GALC: variants seen among roughly 807,000 people sequenced by gnomAD.
GALC encodes galactocerebrosidase.
A neutral mutation model predicts 91.8 loss-of-function variants in GALC; 77 were observed. The observed-to-expected ratio is 0.84, with a 90% CI of 0.70 to 1.01. GALC has a LOEUF of 1.01. Among genes scored for constraint, GALC ranks in the 50% least tolerant of loss-of-function variants. GALC has a pLI of 0.00. For synonymous variants in GALC, 357 were observed against 306.7 expected, an observed-to-expected ratio of 1.16 and a Z score of -1.71; for missense variants, 882 against 855.9, an observed-to-expected ratio of 1.03 and a Z score of -0.38.
In GALC at chr14:87,950,739, G is replaced by A. The variant is rs1885269785; in HGVS notation, c.1171C>T (p.His391Tyr). 7.9e-6 allele frequency: 12 copies of A among 1,522,132 alleles called. No homozygotes were observed. The highest frequency in any genetic ancestry group is 1.1e-5 in the Non-Finnish European group (12 of 1,135,576). The allele number at this position is 1,522,132 out of a possible 1,614,324, so 94.3% of individuals were successfully genotyped here. ...AGAAATGGCCGTATGCACTTAGAAT[G>A]TTTATGACTCTGAAAAAAAAAAATC... ...TIIIETMSHK[H>Y]SKCIRPFLPY... The change falls in exon 11 of 17, where the codon CAT becomes TAT. Residue 391 changes from histidine to tyrosine, a missense_variant. His to Tyr is a moderately conservative substitution (Grantham distance 83). Coordinates refer to ENST00000261304, the MANE Select transcript of GALC (RefSeq NM_000153.4).
rs948549434 is a variant in GALC, at chr14:87,965,398, A to G, written c.1033+107T>C. 5 of 1,240,322 alleles carry G rather than the reference A, an allele frequency of 4.0e-6. No homozygotes were observed. In the African/African-American group the frequency reaches 7.4e-5, roughly 18 times the overall value. 76.8% of individuals were successfully genotyped at this position (1,240,322 alleles called of 1,614,324 possible). On this transcript the variant is annotated intron_variant, in intron 9 of 16. Transcript: ENST00000261304. ...AATCTTGCTTAAAACTTAAATCTAT[A>G]CTTAAAACACGCATAGACACACAGT...
At chr14:87,953,101 T>C (rs1885380422) in intron 10 of GALC, 1 of 1,500,120 alleles carries the variant, frequency 6.7e-7, no homozygotes. Flanking sequence ...TATCATGAAA[T>C]ACAAAACCAG....
At chr14:87,981,876 G>A (rs1886764405) in intron 6 of GALC, among the ~76,000 whole-genome samples, 1 of 152,094 alleles carries the variant, frequency 6.6e-6, no homozygotes, top group South Asian at 2.1e-4. Context: ...TACATTTCTT[G>A]AAGTTCTAAA....
chr14:87,988,119 A>G, intron 3 of GALC, 25 bp downstream of exon 3: 1 of 1,578,774 alleles, frequency 6.3e-7, no homozygotes, highest in Non-Finnish European at 8.7e-7. Flanking sequence ...TGATGGGAGA[A>G]ATCCTATCTC....
chr14:87,971,458 G>A (rs1251621990), intron 7 of GALC, among the ~76,000 whole-genome samples: 1 of 152,086 alleles, frequency 6.6e-6, no homozygotes, highest in Non-Finnish European at 1.5e-5. Context: ...GTAGAAATAT[G>A]ATATGAACCA....
chr14:87,956,827 T>C (rs540794799), intron 10 of GALC, among the ~76,000 whole-genome samples: 1 of 151,968 alleles, frequency 6.6e-6, no homozygotes, highest in South Asian at 2.1e-4. Flanking sequence ...ATTTAGTTCT[T>C]TGATAAATCT....
At chr14:87,972,798 G>A (rs1399991460) in intron 7 of GALC, among the ~76,000 whole-genome samples, 2 of 151,832 alleles carry the variant, frequency 1.3e-5, no homozygotes, top group African/African-American at 4.8e-5. Context: ...CAAAATAAAG[G>A]CATATGCAAA....
intron 9 of GALC, 125 bp downstream of exon 9, chr14:87,965,380 C>A (rs1566990403): frequency 9.4e-7 from 1 of 1,067,742 alleles, no homozygotes; most frequent in East Asian, 2.5e-5. Context: ...GCAAATCTTG[C>A]TTAAAACTTA....
In GALC at chr14:87,992,945, C is replaced by T. The variant is rs1196417155; in HGVS notation, c.195+25G>A. The T allele has an allele frequency of 4.0e-6, 6 of 1,504,102 alleles. No individual in the cohort carries two copies. The Admixed American group carries it at 8.2e-5, about 21-fold the overall frequency. The allele number at this position is 1,504,102 out of a possible 1,614,324, so 93.2% of individuals were successfully genotyped here. A position where few individuals can be genotyped will look rare whatever the true frequency, so the allele number is the denominator to read the frequency against. On this transcript the variant is annotated intron_variant, in intron 1 of 16. Transcript: ENST00000261304. ...CGGGGCGGGCTCTTGCCGCCCCCCG[C>T]GTATCCCCGCAGCTTGCCGCTCACC...
chr14:87,982,585 A>G (rs1886795545), intron 5 of GALC, among the ~76,000 whole-genome samples: 1 of 152,232 alleles, frequency 6.6e-6, no homozygotes, highest in East Asian at 1.9e-4. Flanking sequence ...TGGAGAACTA[A>G]TAGACAGGGA....
chr14:87,965,516 AC>A lies in GALC; in HGVS notation c.1021del (p.Val341SerfsTer18), dbSNP rs1057517382. 1 of 1,613,592 alleles carries A rather than the reference AC, an allele frequency of 6.2e-7. No individual in the cohort carries two copies. The highest frequency in any genetic ancestry group is 8.5e-7 in the Non-Finnish European group (1 of 1,179,620). ...WSGHYVVESP[V>X]WVSAHTTQFT... ...GAACTGAACCATACCTGATACCCAG[AC>A]AGGAGATTCTACCACGTAGTGCCCA... On this transcript the variant is annotated frameshift_variant, in exon 9 of 17. Coordinates refer to ENST00000261304, the MANE Select transcript of GALC (RefSeq NM_000153.4). LOFTEE classifies it high-confidence loss of function.
At chr14:87,963,532 C>T in intron 9 of GALC, 21 bp from the exon 10 acceptor site, 2 of 1,604,030 alleles carry the variant, frequency 1.2e-6, no homozygotes, top group Non-Finnish European at 8.5e-7. Context: ...ACAGAAAGTT[C>T]CAAATAAGAC....
At chr14:87,977,898 T>G (rs555952621) in intron 6 of GALC, among the ~76,000 whole-genome samples, 3 of 152,302 alleles carry the variant, frequency 2.0e-5, no homozygotes, top group Admixed American at 6.5e-5. Flanking sequence ...TAAGTTCATC[T>G]TTCAAACTGG....
Position 87,955,126 on chromosome 14 carries a change from T to C in GALC, c.1162-4378A>G, listed in dbSNP as rs1885470422. ...CCTTTTTGTGTTAGATGAAAGCAGC[T>C]ATCCATTACAACAAGATTTCTCCCT... On this transcript the variant is annotated intron_variant, in intron 10 of 16. Transcript: ENST00000261304. 6.0e-5 allele frequency: 81 copies of C among 1,350,010 alleles called. 2 individuals carry two copies. In the South Asian group the frequency reaches 8.3e-4, roughly 14 times the overall value. 83.6% of individuals were successfully genotyped at this position (1,350,010 alleles called of 1,614,324 possible). A position where few individuals can be genotyped will look rare whatever the true frequency, so the allele number is the denominator to read the frequency against.
At chr14:87,982,773 A>C (rs1484755664) in intron 5 of GALC, among the ~76,000 whole-genome samples, 2 of 152,234 alleles carry the variant, frequency 1.3e-5, no homozygotes, top group Admixed American at 1.3e-4. Context: ...TAGAGTCATG[A>C]AGCATGGGGT....
chr14:87,959,208 G>A (rs904457454), intron 10 of GALC, among the ~76,000 whole-genome samples: 7 of 152,048 alleles, frequency 4.6e-5, no homozygotes, highest in African/African-American at 1.7e-4. Flanking sequence ...TGGCCAATGG[G>A]TACATGAAAA....
chr14:87,959,799 T>TA (rs1885720061), intron 10 of GALC: 1 of 150,896 alleles, frequency 6.6e-6, no homozygotes, highest in Admixed American at 6.6e-5. Context: ...CCCCCCAAAA[T>TA]AAAATATATA....
At chr14:87,981,603 C>T (rs1048459107) in intron 6 of GALC, among the ~76,000 whole-genome samples, 2 of 152,030 alleles carry the variant, frequency 1.3e-5, no homozygotes, top group Non-Finnish European at 2.9e-5. Context: ...AGTGAAACTG[C>T]CATTTTTTTT....
Position 87,976,352 on chromosome 14 carries a change from C to T in GALC, c.752+6G>A. The stretch of plus-strand genomic sequence containing the variant: ...CTGCTAGTTTTCCAAGTAAAACATG[C>T]CTTACCCTATAACATCAACCACCTT... On this transcript the variant is annotated splice_donor_region_variant and intron_variant, in intron 7 of 16. Transcript: ENST00000261304. The T allele has an allele frequency of 6.2e-7, 1 of 1,613,800 alleles. No individual in the cohort carries two copies. Among genetic ancestry groups the T allele is most frequent in the Non-Finnish European group, 8.5e-7 (1 of 1,179,946 alleles).
Sources: allele counts gnomAD v4.1 joint callset (sites outside exome capture counted in the v4.1 genomes callset), GRCh38; gene constraint gnomAD v4.1.1; transcripts MANE v1.5; gene names NCBI Gene and HGNC (gene_info 2026-07-23, HGNC 2026-07-21).